The following CACNA1E variants were observed in gnomAD, a reference collection of about 807,000 sequenced individuals.
The protein encoded by CACNA1E is calcium voltage-gated channel subunit alpha1 E, also known as voltage-dependent R-type calcium channel subunit alpha-1E.
In CACNA1E, 40 loss-of-function variants were observed where a neutral mutation model predicts 259.2. The observed-to-expected ratio is 0.15, with a 90% confidence interval of 0.12 to 0.20. CACNA1E has a LOEUF of 0.20. Ranked by LOEUF, CACNA1E falls within the 10% of genes least tolerant of loss-of-function variation. CACNA1E has a pLI of 1.00. For missense variants in CACNA1E, 1,874 were observed against 3,040.1 expected, an observed-to-expected ratio of 0.62 and a Z score of 9.02; for synonymous variants, 1,104 against 1,138.5, an observed-to-expected ratio of 0.97 and a Z score of 0.61.
At chr1:181,470,331 G>A (rs1359637657) in intron 2 of CACNA1E, among the ~76,000 whole-genome samples, 1 of 152,026 alleles carries the variant, frequency 6.6e-6, no homozygotes, top group Non-Finnish European at 1.5e-5. Flanking sequence ...TGGGATTATA[G>A]GCATGTGCCA....
intron 8 of CACNA1E, among the ~76,000 whole-genome samples, chr1:181,713,278 ACTGT>A (rs770418336): frequency 4.6e-5 from 7 of 152,142 alleles, no homozygotes; most frequent in South Asian, 2.1e-4. Context: ...AAGTGACTTG[ACTGT>A]CTGGCTAAGA....
chr1:181,526,106 A>T (rs1430483493), intron 3 of CACNA1E, among the ~76,000 whole-genome samples: 1 of 152,140 alleles, frequency 6.6e-6, no homozygotes, highest in Non-Finnish European at 1.5e-5. Flanking sequence ...AGCAGAGATT[A>T]CCTAGTTATT....
At chr1:181,704,429 T>A (rs1361924007) in intron 7 of CACNA1E, among the ~76,000 whole-genome samples, 1 of 152,162 alleles carries the variant, frequency 6.6e-6, no homozygotes, top group African/African-American at 2.4e-5. Context: ...ACATTTAGGG[T>A]TGAAGAGGTT....
chr1:181,410,859 G>A (rs955609029), intron 1 of CACNA1E, among the ~76,000 whole-genome samples: 1 of 152,144 alleles, frequency 6.6e-6, no homozygotes, highest in Non-Finnish European at 1.5e-5. Flanking sequence ...CTTTGTTTTT[G>A]TGACTTGCAA....
intron 35 of CACNA1E, among the ~76,000 whole-genome samples, chr1:181,767,971 T>A (rs1261761482): frequency 6.6e-6 from 1 of 152,220 alleles, no homozygotes; most frequent in Non-Finnish European, 1.5e-5. Flanking sequence ...ATTGTAGATA[T>A]TTTTGGGGTA....
At chr1:181,376,393 C>T (rs757421045) in intron 1 of CACNA1E, among the ~76,000 whole-genome samples, 68 of 152,338 alleles carry the variant, frequency 4.5e-4, no homozygotes, top group Non-Finnish European at 7.9e-4. Context: ...TTTCCTTCTA[C>T]GATTGCATTG....
chr1:181,611,143 C>T (rs557650876), intron 6 of CACNA1E, among the ~76,000 whole-genome samples: 16 of 152,302 alleles, frequency 1.1e-4, no homozygotes, highest in African/African-American at 3.8e-4. Context: ...GATAGTAAGG[C>T]ATGCCTTCTA....
In CACNA1E at chr1:181,714,274, T is replaced by A. The variant is rs10797738; in HGVS notation, c.1172-1064T>A. Among the ~76,000 whole-genome samples the A allele has an allele frequency of 4.6e-5, 7 of 151,940 alleles. No individual in the cohort carries two copies. In the East Asian group the frequency reaches 1.2e-3, roughly 25 times the overall value. ...TCACAGAACTTTGGCAAAACCATAC[T>A]GTATTATAAAGGATACAACTCAGGA... On this transcript the variant is annotated intron_variant, in intron 8 of 47. Transcript: ENST00000367573.
At chr1:181,511,247 G>T (rs1426075163) in intron 2 of CACNA1E, 124 bp from the exon 3 acceptor site, 4 of 1,145,104 alleles carry the variant, frequency 3.5e-6, no homozygotes, top group Non-Finnish European at 5.1e-6. Context: ...TAGCACCCTT[G>T]CTTCCCACCT....
chr1:181,350,528 A>G (rs571269854), intron 1 of CACNA1E, among the ~76,000 whole-genome samples: 86 of 152,292 alleles, frequency 5.6e-4, no homozygotes, highest in African/African-American at 2.0e-3. Flanking sequence ...ATGGAACCTC[A>G]CAAGGACTCG....
chr1:181,397,688 A>G (rs111580541), intron 1 of CACNA1E, among the ~76,000 whole-genome samples: 218 of 152,290 alleles, frequency 1.4e-3, no homozygotes, highest in Admixed American at 4.2e-3. Context: ...GGGCTACATC[A>G]GCGATGCTTA....
At chr1:181,414,535 A>C (rs1658119824) in intron 2 of CACNA1E, among the ~76,000 whole-genome samples, 1 of 152,168 alleles carries the variant, frequency 6.6e-6, no homozygotes, top group African/African-American at 2.4e-5. Context: ...GGCTCCTGGG[A>C]TTCAGAGAGG....
chr1:181,755,136 T>C, intron 27 of CACNA1E, 101 bp from the exon 28 acceptor site: 1 of 859,576 alleles, frequency 1.2e-6, no homozygotes, highest in East Asian at 2.6e-5. Context: ...GGACAACTTC[T>C]TGGTGGGGCT....
chr1:181,545,522 A>C (rs151169243), intron 3 of CACNA1E, among the ~76,000 whole-genome samples: 215 of 152,178 alleles, frequency 1.4e-3, no homozygotes, highest in African/African-American at 5.1e-3. Context: ...CTGAGGTGGG[A>C]GATTTCCTCC....
chr1:181,756,838 A>C (rs1658132125), intron 29 of CACNA1E, 87 bp from the exon 30 acceptor site: 2 of 906,786 alleles, frequency 2.2e-6, no homozygotes, highest in Non-Finnish European at 3.6e-6. Flanking sequence ...CAAAGAAGTC[A>C]GATAAAAAAT....
intron 2 of CACNA1E, among the ~76,000 whole-genome samples, chr1:181,459,799 G>C (rs901433665): frequency 6.6e-6 from 1 of 152,148 alleles, no homozygotes; most frequent in African/African-American, 2.4e-5. Context: ...ACCAACTCAC[G>C]AGATGCACAG....
intron 2 of CACNA1E, among the ~76,000 whole-genome samples, chr1:181,460,379 G>T (rs1661725556): frequency 6.6e-6 from 1 of 152,172 alleles, no homozygotes; most frequent in South Asian, 2.1e-4. Flanking sequence ...CTGTGTGTTT[G>T]TGAAGGGCAA....
chr1:181,529,208 G>C (rs1280627100), intron 3 of CACNA1E, among the ~76,000 whole-genome samples: 1 of 152,212 alleles, frequency 6.6e-6, no homozygotes, highest in African/African-American at 2.4e-5. Context: ...TCAGAGGGTG[G>C]AAGCCCCAAG....
intron 1 of CACNA1E, among the ~76,000 whole-genome samples, chr1:181,375,145 G>A (rs533303001): frequency 1.1e-4 from 16 of 152,272 alleles, no homozygotes; most frequent in African/African-American, 3.4e-4. Flanking sequence ...AGTCACAGGT[G>A]TCACATTTTT....
Sources: gnomAD v4.1 joint callset for allele counts (sites outside exome capture counted in the v4.1 genomes callset) on GRCh38, gnomAD v4.1.1 for gene constraint, MANE v1.5 for transcripts, NCBI Gene and HGNC (gene_info 2026-07-23, HGNC 2026-07-21) for gene names.